The following KLHL10 variants were observed in gnomAD, a reference collection of about 807,000 sequenced individuals.
KLHL10 encodes kelch-like protein 10.
In KLHL10, 11 loss-of-function variants were observed where a neutral mutation model predicts 46.6. The observed-to-expected ratio is 0.24, with a 90% CI of 0.15 to 0.39. The LOEUF is 0.39. Ranked by LOEUF, KLHL10 falls within the 10% of genes least tolerant of loss-of-function variation. The pLI, the probability that KLHL10 is intolerant of heterozygous loss-of-function variation, is 1.00. For synonymous variants in KLHL10, 254 were observed against 279.1 expected (o/e 0.91, Z 0.90); for missense variants, 475 against 789.8 (o/e 0.60, Z 4.78).
intron 1 of KLHL10, among the ~76,000 whole-genome samples, chr17:41,840,143 A>G (rs2144124900): frequency 6.6e-6 from 1 of 152,330 alleles, no homozygotes; most frequent in African/African-American, 2.4e-5. Flanking sequence ...GTCCAGAAAT[A>G]GACCAAATAG....
Position 41,841,637 on chromosome 17 carries a change from G to A in KLHL10, c.195-186G>A. Reference sequence around the variant, plus strand: ...CCAAGAGACCTGGGTCTTACTCTCAGTTCTAGATCTTAATTTCTCCATCCA... The same window carrying A: ...CCAAGAGACCTGGGTCTTACTCTCAATTCTAGATCTTAATTTCTCCATCCA... On this transcript the variant is annotated intron_variant, in intron 1 of 4. Transcript: ENST00000293303. The A allele has an allele frequency of 1.4e-5, 9 of 665,948 alleles. 1 individual carries two copies. In the South Asian group the frequency reaches 1.6e-4, roughly 12 times the overall value. 41.3% of individuals were successfully genotyped at this position (665,948 alleles called of 1,614,324 possible). A position where few individuals can be genotyped will look rare whatever the true frequency, so the allele number is the denominator to read the frequency against.
At chr17:41,841,439 C>T (rs1371494146) in intron 1 of KLHL10, among the ~76,000 whole-genome samples, 3 of 152,152 alleles carry the variant, frequency 2.0e-5, no homozygotes, top group African/African-American at 7.2e-5. Context: ...CTCAGCCTCC[C>T]AAGTAGCTGG....
At chr17:41,847,698 G>A (rs992129966) in intron 4 of KLHL10, among the ~76,000 whole-genome samples, 1 of 152,112 alleles carries the variant, frequency 6.6e-6, no homozygotes, top group Non-Finnish European at 1.5e-5. Flanking sequence ...GTAGAGACAG[G>A]GTTTCACTGT....
At chr17:41,836,787 C>T (rs1252831348), upstream of KLHL10, among the ~76,000 whole-genome samples, 1 of 152,188 alleles carries the variant, frequency 6.6e-6, no homozygotes, top group African/African-American at 2.4e-5. Context: ...GATCATACCA[C>T]TGCACTCCAC....
At chr17:41,837,085 C>T (rs1207488656), upstream of KLHL10, among the ~76,000 whole-genome samples, 1 of 152,194 alleles carries the variant, frequency 6.6e-6, no homozygotes, top group Admixed American at 6.5e-5. Flanking sequence ...CACTTAAGCC[C>T]AGGAGGTCGA....
At chr17:41,844,334 G>A (rs1325906536) in intron 2 of KLHL10, among the ~76,000 whole-genome samples, 4 of 150,412 alleles carry the variant, frequency 2.7e-5, no homozygotes, top group South Asian at 2.1e-4. Context: ...CAGTTCAAGC[G>A]AGTCTCCTGC....
upstream of KLHL10, chr17:41,836,235 C>T (rs2144114818): frequency 1.6e-6 from 2 of 1,233,666 alleles, no homozygotes; most frequent in Middle Eastern, 2.9e-4. Context: ...ACAACGACAG[C>T]CCCGCGACCG....
chr17:41,836,984 G>A (rs782736858), upstream of KLHL10, among the ~76,000 whole-genome samples: 7 of 151,830 alleles, frequency 4.6e-5, no homozygotes, highest in African/African-American at 7.3e-5. Flanking sequence ...TGGGAGACCC[G>A]GGACAGCTTT....
Position 41,845,134 on chromosome 17 carries a change from G to A in KLHL10, c.693G>A (p.Leu231=), listed in dbSNP as rs1234707698. Residue 231 remains leucine, a synonymous_variant, in exon 3 of 5, where the codon CTG becomes CTA. Coordinates refer to ENST00000293303, the MANE Select transcript of KLHL10 (RefSeq NM_152467.5). ...HISILLPKVR[L]ALMHAEYFMN... is the part of the protein sequence containing the mutation. ...CTGCGTTTGCTTCTTAGGTTCGCCT[G>A]GCCCTAATGCATGCTGAGTACTTCA... is the stretch of plus-strand genomic sequence containing the variant. The A allele has an allele frequency of 1.9e-6, 3 of 1,614,076 alleles. No homozygotes were observed. Among genetic ancestry groups the A allele is most frequent in the Non-Finnish European group, 2.5e-6 (3 of 1,180,050 alleles).
chr17:41,837,801 A>G, upstream of KLHL10: 1 of 1,517,174 alleles, frequency 6.6e-7, no homozygotes, highest in Non-Finnish European at 8.8e-7. Context: ...AGGATTCTGG[A>G]ACTTGGGTTG....
At chr17:41,844,558 T>TC (rs1189562891) in intron 2 of KLHL10, among the ~76,000 whole-genome samples, 1 of 108,202 alleles carries the variant, frequency 9.2e-6, no homozygotes, top group African/African-American at 3.6e-5. Context: ...TTTTTTTTTT[T>TC]TTTTTTTTGA....
Position 41,838,106 on chromosome 17 carries a change from T to C in KLHL10, c.174T>C (p.Cys58=), listed in dbSNP as rs1555620372. Residue 58 remains cysteine (C), a synonymous_variant, in exon 1 of 5, where the codon TGT becomes TGC. Coordinates refer to ENST00000293303, the MANE Select transcript of KLHL10 (RefSeq NM_152467.5). ...FEFSAHKNIL[C]SCSSYFRALF... ...TCAGTGCCCATAAGAACATCCTCTG[T>C]AGCTGCAGTTCCTACTTTAGGTATA... The C allele has an allele frequency of 7.4e-6, 12 of 1,614,106 alleles. No homozygotes were observed. Among genetic ancestry groups the C allele is most frequent in the Non-Finnish European group, 8.5e-6 (10 of 1,180,010 alleles).
intron 3 of KLHL10, among the ~76,000 whole-genome samples, chr17:41,846,232 A>AG (rs1555621407): frequency 6.7e-6 from 1 of 149,962 alleles, no homozygotes; most frequent in Non-Finnish European, 1.5e-5. Flanking sequence ...AGAAAAAAAA[A>AG]GTAATGCAGG....
chr17:41,842,348 G>A (rs1555620850), intron 2 of KLHL10, 36 bp downstream of exon 2: 2 of 1,612,720 alleles, frequency 1.2e-6, no homozygotes, highest in Non-Finnish European at 1.7e-6. Flanking sequence ...ATCACAGAGA[G>A]ATTGTCCTAA....
intron 1 of KLHL10, among the ~76,000 whole-genome samples, chr17:41,839,417 C>T (rs2048204642): frequency 6.6e-6 from 1 of 152,186 alleles, no homozygotes; most frequent in Admixed American, 6.5e-5. Flanking sequence ...GATGACAATG[C>T]CACTTCAGGG....
intron 2 of KLHL10, among the ~76,000 whole-genome samples, chr17:41,843,086 ACTGCAGTCCAGC>A (rs1242044301): frequency 6.6e-6 from 1 of 151,440 alleles, no homozygotes; most frequent in Non-Finnish European, 1.5e-5. Context: ...TGATCACCTC[ACTGCAGTCCAGC>A]CTGGGCAATA....
At chr17:41,841,559 C>T (rs980593125) in intron 1 of KLHL10, among the ~76,000 whole-genome samples, 1 of 152,162 alleles carries the variant, frequency 6.6e-6, no homozygotes, top group Admixed American at 6.5e-5. Flanking sequence ...ATGATCCACC[C>T]GCTTCGGCCT....
chr17:41,840,475 A>G (rs1408602501), intron 1 of KLHL10, among the ~76,000 whole-genome samples: 1 of 151,976 alleles, frequency 6.6e-6, no homozygotes, highest in African/African-American at 2.4e-5. Context: ...TAAAAATACA[A>G]AAAACCGGGC....
upstream of KLHL10, chr17:41,836,339 G>A (rs2048159787): frequency 8.2e-6 from 10 of 1,224,460 alleles, no homozygotes; most frequent in Non-Finnish European, 1.0e-5. Flanking sequence ...GAGCGGTCCC[G>A]GAGATGGCCG....
Sources: gnomAD v4.1 joint callset for allele counts (sites outside exome capture counted in the v4.1 genomes callset) on GRCh38, gnomAD v4.1.1 for gene constraint, MANE v1.5 for transcripts, NCBI Gene and HGNC (gene_info 2026-07-23, HGNC 2026-07-21) for gene names.